The following ASPH variants were observed in gnomAD, a reference collection of about 807,000 sequenced individuals.
ASPH encodes aspartate beta-hydroxylase.
In ASPH, 100 loss-of-function variants were observed where a neutral mutation model predicts 118.4. The ratio of observed to expected loss-of-function variants is 0.84; its 90% CI spans 0.72 to 1.00. ASPH has a LOEUF of 1.00. Among genes scored for constraint, ASPH ranks in the 50% least tolerant of loss-of-function variants. The pLI is 0.00. For synonymous variants in ASPH, 315 were observed against 325.6 expected, an observed-to-expected ratio of 0.97 and a Z score of 0.35; for missense variants, 920 against 919.5, an observed-to-expected ratio of 1.00 and a Z score of -0.01.
intron 15 of ASPH, among the ~76,000 whole-genome samples, chr8:61,581,664 G>A (rs951142074): frequency 1.3e-5 from 2 of 152,218 alleles, no homozygotes; most frequent in East Asian, 1.9e-4. Flanking sequence ...GTTGTCCCTC[G>A]AGGAATTGTT....
At chr8:61,528,932 C>T (rs1409408998) in intron 21 of ASPH, among the ~76,000 whole-genome samples, 2 of 152,146 alleles carry the variant, frequency 1.3e-5, no homozygotes, top group Admixed American at 6.5e-5. Flanking sequence ...ATTCTCAGTC[C>T]TAACTAGTAC....
chr8:61,701,644 C>T (rs1421255492), intron 1 of ASPH, among the ~76,000 whole-genome samples: 1 of 152,164 alleles, frequency 6.6e-6, no homozygotes, highest in Non-Finnish European at 1.5e-5. Flanking sequence ...ACAGATGGAC[C>T]AGCTAGAAAC....
chr8:61,714,278 C>G lies in ASPH; in HGVS notation c.94G>C (p.Ala32Pro). The G allele has an allele frequency of 1.3e-6, 2 of 1,516,914 alleles. No homozygotes were observed. Among genetic ancestry groups the G allele is most frequent in the Non-Finnish European group, 1.8e-6 (2 of 1,135,108 alleles). The allele number at this position is 1,516,914 out of a possible 1,614,324, so 94.0% of individuals were successfully genotyped here. Residue 32 changes from alanine (A) to proline (P), a missense_variant, in exon 1 of 25, where the codon GCC becomes CCC. By Grantham distance (27) the Ala-to-Pro change is conservative. Coordinates refer to ENST00000379454, the MANE Select transcript of ASPH (RefSeq NM_004318.4). The stretch of plus-strand genomic sequence containing the variant: ...CCGCAGGGCCTCTGACCTCTCCGGG[C>G]CCCGGGGCTGCTGCTGCCCGCACTC... The part of the protein sequence containing the change: ...STSAGSSSPG[A>P]RRETKHGGHK...
intron 10 of ASPH, among the ~76,000 whole-genome samples, chr8:61,638,893 C>T (rs1030980513): frequency 6.6e-6 from 1 of 152,184 alleles, no homozygotes; most frequent in African/African-American, 2.4e-5. Flanking sequence ...CTCTCCAGGG[C>T]CCAGTGGCTC....
intron 21 of ASPH, among the ~76,000 whole-genome samples, chr8:61,542,146 T>C (rs1036500851): frequency 1.3e-5 from 2 of 152,338 alleles, no homozygotes; most frequent in East Asian, 3.9e-4. Context: ...CATGTGGACC[T>C]GAATTGGATC....
At chr8:61,708,878 GC>G (rs1444213233) in intron 1 of ASPH, among the ~76,000 whole-genome samples, 1 of 63,654 alleles carries the variant, frequency 1.6e-5, no homozygotes, top group African/African-American at 6.7e-5. Flanking sequence ...CCACCCCCCA[GC>G]CCCCCACCCC....
chr8:61,580,948 C>T (rs1587601749), intron 15 of ASPH, among the ~76,000 whole-genome samples: 1 of 152,148 alleles, frequency 6.6e-6, no homozygotes, highest in East Asian at 1.9e-4. Context: ...CTAGTATGCA[C>T]CCCATGCAAC....
intron 3 of ASPH, among the ~76,000 whole-genome samples, chr8:61,677,503 G>A (rs1206976696): frequency 1.3e-5 from 2 of 152,088 alleles, no homozygotes; most frequent in African/African-American, 4.8e-5. Flanking sequence ...ATCAAGATAG[G>A]CAGATAAAGG....
rs548317668 is a variant in ASPH, at chr8:61,603,047, G to T, written c.976+15931C>A. 1.5e-3 allele frequency among the ~76,000 whole-genome samples: 222 copies of T among 151,942 alleles called. 1 individual carries two copies. Among genetic ancestry groups the T allele is most frequent in the African/African-American group, 5.0e-3 (209 of 41,466 alleles). On this transcript the variant is annotated intron_variant, in intron 14 of 24. Coordinates refer to ENST00000379454, the MANE Select transcript of ASPH (RefSeq NM_004318.4). ...ATTTCTACTAAAAATGCAAAAATTAGCCAGGTATGGTGGTCAGTGCCTATA... is the reference window on the plus strand; with the variant it reads ...ATTTCTACTAAAAATGCAAAAATTATCCAGGTATGGTGGTCAGTGCCTATA...
chr8:61,523,887 T>TC (rs1462322708), intron 22 of ASPH, among the ~76,000 whole-genome samples: 3 of 152,142 alleles, frequency 2.0e-5, no homozygotes, highest in African/African-American at 7.2e-5. Context: ...GCCAAGGAGT[T>TC]CAAGACCAGC....
intron 22 of ASPH, among the ~76,000 whole-genome samples, chr8:61,523,334 T>TTTG (rs1813919061): frequency 1.3e-5 from 2 of 150,938 alleles, no homozygotes; most frequent in African/African-American, 2.4e-5. Flanking sequence ...TTTTTTTTTT[T>TTTG]TTTGACAGTC....
intron 18 of ASPH, 85 bp downstream of exon 18, chr8:61,562,659 T>C: frequency 7.7e-7 from 1 of 1,302,748 alleles, no homozygotes; most frequent in South Asian, 1.8e-5. Flanking sequence ...TAATTTAAAA[T>C]AAAGAGAGAC....
chr8:61,568,616 G>T (rs1479007456), intron 16 of ASPH, among the ~76,000 whole-genome samples: 7 of 152,294 alleles, frequency 4.6e-5, no homozygotes, highest in African/African-American at 1.7e-4. Flanking sequence ...CAGAGTAAGA[G>T]AAGTTAAGTG....
At chr8:61,551,747 T>C (rs1210573655) in intron 20 of ASPH, among the ~76,000 whole-genome samples, 2 of 152,232 alleles carry the variant, frequency 1.3e-5, no homozygotes, top group Non-Finnish European at 2.9e-5. Flanking sequence ...ATTTATCCAG[T>C]GTTAGATGTT....
intron 22 of ASPH, among the ~76,000 whole-genome samples, chr8:61,522,488 C>A (rs901611670): frequency 6.6e-6 from 1 of 152,124 alleles, no homozygotes; most frequent in African/African-American, 2.4e-5. Flanking sequence ...TGCATCCCCA[C>A]CCAAATCTCA....
chr8:61,538,212 T>A (rs986463341), intron 21 of ASPH, among the ~76,000 whole-genome samples: 1 of 152,164 alleles, frequency 6.6e-6, no homozygotes, highest in East Asian at 1.9e-4. Flanking sequence ...GCAAAACAAA[T>A]CTGTTTCTAA....
At chr8:61,561,726 C>CCA (rs1830035110) in intron 18 of ASPH, among the ~76,000 whole-genome samples, 1 of 152,012 alleles carries the variant, frequency 6.6e-6, no homozygotes, top group Non-Finnish European at 1.5e-5. Context: ...GAATTTGAAT[C>CCA]CAGCCTGGAT....
intron 22 of ASPH, among the ~76,000 whole-genome samples, chr8:61,523,324 T>TTTC (rs1563688249): frequency 3.3e-4 from 17 of 52,214 alleles, no homozygotes; most frequent in South Asian, 9.2e-4. Flanking sequence ...TTCTTTCTTT[T>TTTC]TTTTTTTTTT....
chr8:61,534,011 G>A (rs1405283725), intron 21 of ASPH, among the ~76,000 whole-genome samples: 10 of 152,118 alleles, frequency 6.6e-5, no homozygotes, highest in Admixed American at 5.9e-4. Context: ...ACAATGGCGC[G>A]ATCTCGGCTC....
Sources: gnomAD v4.1 joint callset for allele counts (sites outside exome capture counted in the v4.1 genomes callset) on GRCh38, gnomAD v4.1.1 for gene constraint, MANE v1.5 for transcripts, NCBI Gene and HGNC (gene_info 2026-07-23, HGNC 2026-07-21) for gene names.